SLC49A4: variants seen among roughly 807,000 people sequenced by gnomAD.
SLC49A4 encodes the protein solute carrier family 49 member 4.
SLC49A4 carries 36 observed loss-of-function variants against 50.6 expected under a neutral mutation model. That is an observed-to-expected ratio of 0.71 (90% CI 0.55 to 0.94). The LOEUF is 0.94. SLC49A4 is among the 40% of genes least tolerant of loss of function. The probability of loss-of-function intolerance (pLI) is 0.00; values close to 1 mark genes in which losing one functional copy is unlikely to be tolerated. For missense variants in SLC49A4, 503 were observed against 605.7 expected (o/e 0.83, Z 1.78); for synonymous variants, 248 against 241.2 (o/e 1.03, Z -0.26).
intron 7 of SLC49A4, among the ~76,000 whole-genome samples, chr3:122,870,843 T>TAA (rs71136596): frequency 0.16 from 23,245 of 147,174 alleles, 2,706 homozygotes; most frequent in East Asian, 0.55. Context: ...ATAATAATAA[T>TAA]TAATTAATAA....
intron 4 of SLC49A4, among the ~76,000 whole-genome samples, 153 bp from the exon 5 acceptor site, chr3:122,845,607 GTTT>G (rs35604258): frequency 1.7e-3 from 167 of 97,444 alleles, no homozygotes; most frequent in African/African-American, 6.2e-3. Flanking sequence ...TTTCCAGCAC[GTTT>G]TTTTTTTTTT....
chr3:122,862,029 G>A (rs1040654987), intron 7 of SLC49A4, among the ~76,000 whole-genome samples: 3 of 152,172 alleles, frequency 2.0e-5, no homozygotes, highest in African/African-American at 7.2e-5. Flanking sequence ...AATTAGTGTG[G>A]AACACAAAAT....
intron 8 of SLC49A4, among the ~76,000 whole-genome samples, chr3:122,877,859 C>T (rs537691743): frequency 6.6e-6 from 1 of 152,292 alleles, no homozygotes; most frequent in South Asian, 2.1e-4. Context: ...TAGATCACAT[C>T]TTCTCTGAGT....
chr3:122,833,195 C>A, intron 3 of SLC49A4, 122 bp from the exon 4 acceptor site: 1 of 934,756 alleles, frequency 1.1e-6, no homozygotes. Context: ...GAGCCATGTT[C>A]ATGCCACTGC....
chr3:122,829,952 G>C (rs1459332321), intron 3 of SLC49A4, among the ~76,000 whole-genome samples: 1 of 152,048 alleles, frequency 6.6e-6, no homozygotes, highest in Non-Finnish European at 1.5e-5. Context: ...AAATTATCTG[G>C]AGTTCACTAA....
intron 4 of SLC49A4, among the ~76,000 whole-genome samples, chr3:122,839,389 G>A (rs772295281): frequency 5.9e-5 from 9 of 151,834 alleles, no homozygotes; most frequent in African/African-American, 1.5e-4. Flanking sequence ...AAAAATAAAC[G>A]GGACCTAATT....
chr3:122,825,933 G>T (rs771197842), intron 2 of SLC49A4, among the ~76,000 whole-genome samples: 56 of 152,092 alleles, frequency 3.7e-4, no homozygotes, highest in Non-Finnish European at 6.8e-4. Context: ...ATTGGGAAAA[G>T]GTCAGCAAGA....
chr3:122,810,137 C>G (rs933738518), intron 2 of SLC49A4, among the ~76,000 whole-genome samples: 60 of 152,292 alleles, frequency 3.9e-4, no homozygotes, highest in African/African-American at 1.3e-3. Context: ...TTTGGAATGG[C>G]TCCCCTGCAC....
intron 1 of SLC49A4, among the ~76,000 whole-genome samples, chr3:122,804,242 C>A (rs543747528): frequency 1.3e-5 from 2 of 152,314 alleles, no homozygotes; most frequent in South Asian, 4.1e-4. Context: ...GGATGCCACA[C>A]ACTTTTAATG....
At chr3:122,877,592 A>T in intron 8 of SLC49A4, among the ~76,000 whole-genome samples, 1 of 152,188 alleles carries the variant, frequency 6.6e-6, no homozygotes, top group East Asian at 1.9e-4. Flanking sequence ...AGTCTCTAAG[A>T]TATAGCAACT....
At chr3:122,829,190 A>T (rs1936577811) in intron 3 of SLC49A4, among the ~76,000 whole-genome samples, 1 of 152,248 alleles carries the variant, frequency 6.6e-6, no homozygotes, top group Non-Finnish European at 1.5e-5. Context: ...ACAAAATACT[A>T]GCAAACTGAT....
chr3:122,829,835 G>C (rs1936585727), intron 3 of SLC49A4, among the ~76,000 whole-genome samples: 1 of 152,158 alleles, frequency 6.6e-6, no homozygotes, highest in Non-Finnish European at 1.5e-5. Flanking sequence ...TTTTAAAACT[G>C]TGCTGGAGGT....
chr3:122,795,411 TC>T lies in SLC49A4; in HGVS notation c.222del (p.Ile75SerfsTer44). The T allele has an allele frequency of 6.2e-7, 1 of 1,607,784 alleles. No individual in the cohort carries two copies. Reference sequence around the variant, plus strand: ...AGGGCCTGGTCTGGAACACCTGGGGTCCCATCCAGAACTCGGCGCGCCAGGC... The same window carrying T: ...AGGGCCTGGTCTGGAACACCTGGGGTCCATCCAGAACTCGGCGCGCCAGGC... The part of the protein sequence containing the change: ...VQGLVWNTWG[P>X]IQNSARQAYG... On this transcript the variant is annotated frameshift_variant, in exon 1 of 9. Transcript: ENST00000261038. LOFTEE classifies it high-confidence loss of function.
At chr3:122,802,978 A>T (rs1303941350) in intron 1 of SLC49A4, among the ~76,000 whole-genome samples, 1 of 152,192 alleles carries the variant, frequency 6.6e-6, no homozygotes, top group Non-Finnish European at 1.5e-5. Context: ...AGGAAAAGAG[A>T]GAGAAGTAAG....
chr3:122,880,823 A>T lies in SLC49A4; in HGVS notation c.*1445A>T, dbSNP rs932346517. ...TGCGCCATGACACACCCACATGCAG[A>T]TTCCCAAGTCTGTCTCCCCTCCCCC... On this transcript the variant is annotated 3_prime_UTR_variant, in exon 9 of 9. Coordinates refer to ENST00000261038, the MANE Select transcript of SLC49A4 (RefSeq NM_032839.3). 7 of 152,510 alleles carry T rather than the reference A, an allele frequency of 4.6e-5. No individual in the cohort carries two copies. The highest frequency in any genetic ancestry group is 8.8e-5 in the Non-Finnish European group (6 of 68,306). The allele number at this position is 152,510 out of a possible 1,614,324, so 9.4% of individuals were successfully genotyped here. A position where few individuals can be genotyped will look rare whatever the true frequency, so the allele number is the denominator to read the frequency against.
Position 122,875,658 on chromosome 3 carries a change from G to A in SLC49A4, c.1321+3061G>A, listed in dbSNP as rs143363805. 3.7e-3 allele frequency among the ~76,000 whole-genome samples: 564 copies of A among 152,172 alleles called. 4 individuals are homozygous for A. The highest frequency in any genetic ancestry group is 0.013 in the African/African-American group (535 of 41,506). On this transcript the variant is annotated intron_variant, in intron 8 of 8. Transcript: ENST00000261038. ...TGAGCCACCACACCCAGCCTAGAAG[G>A]CCTGATTTTTAATCATCATAAAGAT...
At chr3:122,823,714 A>T (rs796793176) in intron 2 of SLC49A4, among the ~76,000 whole-genome samples, 1 of 152,214 alleles carries the variant, frequency 6.6e-6, no homozygotes, top group South Asian at 2.1e-4. Context: ...TAGGGTCAAT[A>T]TTTTTCCAGA....
At chr3:122,868,757 A>C (rs1234560731) in intron 7 of SLC49A4, among the ~76,000 whole-genome samples, 1 of 152,224 alleles carries the variant, frequency 6.6e-6, no homozygotes, top group African/African-American at 2.4e-5. Context: ...TGATTTCCAC[A>C]TGTCTATCCA....
intron 4 of SLC49A4, among the ~76,000 whole-genome samples, chr3:122,841,343 C>A (rs1173578747): frequency 6.6e-6 from 1 of 152,156 alleles, no homozygotes. Context: ...CTTCTTTCTA[C>A]AGGAAATATT....
Sources: gnomAD v4.1 joint callset for allele counts (sites outside exome capture counted in the v4.1 genomes callset) on GRCh38, gnomAD v4.1.1 for gene constraint, MANE v1.5 for transcripts, NCBI Gene and HGNC (gene_info 2026-07-23, HGNC 2026-07-21) for gene names.